FBXO34: variants seen among roughly 807,000 people sequenced by gnomAD.
FBXO34 encodes the protein F-box protein 34, also known as F-box only protein 34.
Under a neutral mutation model 24.5 loss-of-function variants are expected in FBXO34, and 12 were observed. That is an observed-to-expected ratio of 0.49 (90% CI 0.31 to 0.79). The LOEUF (loss-of-function observed/expected upper bound fraction) is 0.79, where lower values mean the gene tolerates loss of function less well. Ranked by LOEUF, FBXO34 falls within the 30% of genes least tolerant of loss-of-function variation. The pLI is 0.04. For missense variants in FBXO34, 823 were observed against 857.7 expected, an observed-to-expected ratio of 0.96 and a Z score of 0.51; for synonymous variants, 320 against 311.9, an observed-to-expected ratio of 1.03 and a Z score of -0.27.
the FBXO34 span, among the ~76,000 whole-genome samples, chr14:55,408,639 A>G: frequency 2.6e-5 from 4 of 152,048 alleles, no homozygotes; most frequent in Non-Finnish European, 4.4e-5. Context: ...GGTGTGGTGG[A>G]GCATGCCTGT....
At chr14:55,314,144 C>G (rs1291886032) in intron 1 of FBXO34, among the ~76,000 whole-genome samples, 1 of 152,048 alleles carries the variant, frequency 6.6e-6, no homozygotes. Context: ...CTCCTAGGCT[C>G]AAGTGATCCT....
chr14:55,323,873 A>T (rs1883253516), intron 1 of FBXO34, among the ~76,000 whole-genome samples: 1 of 152,192 alleles, frequency 6.6e-6, no homozygotes, highest in Non-Finnish European at 1.5e-5. Flanking sequence ...GGGAGTTGTT[A>T]AATTTTTCCC....
At chr14:55,344,360 T>C (rs1884088363) in intron 1 of FBXO34, among the ~76,000 whole-genome samples, 1 of 152,096 alleles carries the variant, frequency 6.6e-6, no homozygotes, top group Non-Finnish European at 1.5e-5. Flanking sequence ...ACATGGTCAT[T>C]GTGAAAAATT....
At chr14:55,363,310 C>T (rs1044444741), downstream of FBXO34, among the ~76,000 whole-genome samples, 10 of 151,344 alleles carry the variant, frequency 6.6e-5, no homozygotes, top group African/African-American at 1.9e-4. Flanking sequence ...GCTGGGATTA[C>T]AGGCATGAGC....
chr14:55,360,477 T>C (rs1184514494), intron 3 of FBXO34, among the ~76,000 whole-genome samples: 1 of 152,188 alleles, frequency 6.6e-6, no homozygotes, highest in Non-Finnish European at 1.5e-5. Flanking sequence ...GCTCCACTTT[T>C]AGTTCTCTTG....
chr14:55,294,135 G>T (rs1057502743), intron 1 of FBXO34, among the ~76,000 whole-genome samples: 3 of 151,838 alleles, frequency 2.0e-5, no homozygotes, highest in African/African-American at 7.3e-5. Context: ...GCACTTCTAA[G>T]CTTCCTTACC....
intron 1 of FBXO34, among the ~76,000 whole-genome samples, chr14:55,283,616 CACCA>C (rs1205732520): frequency 2.0e-5 from 3 of 152,024 alleles, no homozygotes; most frequent in African/African-American, 7.2e-5. Context: ...AGGAGCCAAC[CACCA>C]TGCCCGACTA....
chr14:55,385,702 C>T, the FBXO34 span, among the ~76,000 whole-genome samples: 14 of 152,330 alleles, frequency 9.2e-5, no homozygotes, highest in South Asian at 4.1e-4. Flanking sequence ...CAGCTTTCTG[C>T]GGTGCGTACT....
the FBXO34 span, among the ~76,000 whole-genome samples, chr14:55,418,638 C>T: frequency 3.3e-5 from 5 of 152,154 alleles, no homozygotes; most frequent in Non-Finnish European, 5.9e-5. Flanking sequence ...TACTCATTTC[C>T]GAGAAGCACA....
chr14:55,343,098 G>T (rs1019661980), intron 1 of FBXO34, among the ~76,000 whole-genome samples: 3 of 152,160 alleles, frequency 2.0e-5, no homozygotes, highest in African/African-American at 7.2e-5. Context: ...CAGTGAAGAA[G>T]GCTGTCATAA....
At chr14:55,310,283 G>T in intron 1 of FBXO34, among the ~76,000 whole-genome samples, 1 of 152,200 alleles carries the variant, frequency 6.6e-6, no homozygotes, top group East Asian at 1.9e-4. Flanking sequence ...AAGTATGTTT[G>T]TTCTCTGTGC....
At chr14:55,438,230 G>A in the FBXO34 span, among the ~76,000 whole-genome samples, 1,589 of 152,300 alleles carry the variant, frequency 0.01, 11 homozygotes, top group Non-Finnish European at 0.017. Context: ...GCTAATGTAC[G>A]TCTGACTGGA....
rs761203293 is a variant in FBXO34, at chr14:55,350,777, T to A, written c.387T>A (p.Ser129Arg). The A allele has an allele frequency of 6.2e-7, 1 of 1,608,070 alleles. No individual in the cohort carries two copies. The highest frequency in any genetic ancestry group is 1.7e-5 in the Admixed American group (1 of 58,554). Residue 129 changes from serine (S) to arginine (R), a missense_variant, in exon 2 of 2, where the codon AGT becomes AGA. This residue lies in a region of FBXO34 where 693 missense variants were observed against 659.1 expected (regional missense o/e 1.05). Transcript: ENST00000313833. The part of the protein sequence containing the change: ...KIAFFASHQC[S>R]NRIGSMKIKS... ...CATTCTTTGCATCCCACCAGTGTAG[T>A]AACAGGATAGGATCTATGAAAATAA...
chr14:55,336,870 A>G (rs768667024), intron 1 of FBXO34, among the ~76,000 whole-genome samples: 149 of 143,678 alleles, frequency 1.0e-3, no homozygotes, highest in African/African-American at 3.0e-3. Flanking sequence ...ACATGCACGC[A>G]CACACACACA....
chr14:55,350,777 T>C lies in FBXO34; in HGVS notation c.387T>C (p.Ser129=), dbSNP rs761203293. The part of the protein sequence containing the change: ...KIAFFASHQC[S]NRIGSMKIKS... ...CATTCTTTGCATCCCACCAGTGTAG[T>C]AACAGGATAGGATCTATGAAAATAA... The change falls in exon 2 of 2, where the codon AGT becomes AGC. Residue 129 remains serine (S), a synonymous_variant. Transcript: ENST00000313833. 24 of 1,607,952 alleles carry C rather than the reference T, an allele frequency of 1.5e-5. No individual in the cohort carries two copies. The highest frequency in any genetic ancestry group is 1.9e-5 in the Non-Finnish European group (22 of 1,178,134).
At chr14:55,308,989 A>AT (rs1882644903) in intron 1 of FBXO34, among the ~76,000 whole-genome samples, 1 of 152,196 alleles carries the variant, frequency 6.6e-6, no homozygotes, top group African/African-American at 2.4e-5. Context: ...TGAAAATATC[A>AT]TTTGTGTTGA....
chr14:55,290,589 C>T (rs1365269273), intron 1 of FBXO34, among the ~76,000 whole-genome samples: 1 of 151,984 alleles, frequency 6.6e-6, no homozygotes, highest in Admixed American at 6.6e-5. Flanking sequence ...AGATCTCCAG[C>T]TATTGGAGCC....
chr14:55,371,610 T>TCC (rs747076618), downstream of FBXO34, among the ~76,000 whole-genome samples: 25 of 151,886 alleles, frequency 1.6e-4, no homozygotes, highest in East Asian at 5.8e-4. Flanking sequence ...ATCGAGACCA[T>TCC]TGGCTAACAC....
At chr14:55,280,595 T>C (rs1171547201) in intron 1 of FBXO34, among the ~76,000 whole-genome samples, 1 of 148,000 alleles carries the variant, frequency 6.8e-6, no homozygotes, top group African/African-American at 2.5e-5. Flanking sequence ...GGCGCGATCT[T>C]GGTTCACTGC....
Sources: gnomAD v4.1 joint callset for allele counts (sites outside exome capture counted in the v4.1 genomes callset) on GRCh38, gnomAD v4.1.1 for gene constraint, gnomAD v4.1.1 regional missense constraint, MANE v1.5 for transcripts, NCBI Gene and HGNC (gene_info 2026-07-23, HGNC 2026-07-21) for gene names.